PRSS23: variants seen among roughly 807,000 people sequenced by gnomAD.
PRSS23 encodes serine protease 23.
Under a neutral mutation model 34.7 loss-of-function variants are expected in PRSS23, and 25 were observed. The observed-to-expected ratio is 0.72, with a 90% confidence interval of 0.53 to 1.01. PRSS23 has a LOEUF of 1.01. Among genes scored for constraint, PRSS23 ranks in the 50% least tolerant of loss-of-function variants. The pLI is 0.00. For missense variants in PRSS23, 445 were observed against 475.6 expected (o/e 0.94, Z 0.60); for synonymous variants, 176 against 186.6 (o/e 0.94, Z 0.46).
At chr11:86,856,853 T>C (rs1372676374) in intron 2 of PRSS23, among the ~76,000 whole-genome samples, 2 of 152,142 alleles carry the variant, frequency 1.3e-5, no homozygotes, top group African/African-American at 2.4e-5. Context: ...GAGGATTCAG[T>C]CATGATGTTT....
intron 2 of PRSS23, among the ~76,000 whole-genome samples, chr11:86,848,907 T>C (rs1245794325): frequency 6.6e-6 from 1 of 152,066 alleles, no homozygotes; most frequent in Non-Finnish European, 1.5e-5. Flanking sequence ...ATCAGTGCGG[T>C]TTGCAAGGAC....
At chr11:86,796,627 C>T (rs1398192762), upstream of PRSS23, among the ~76,000 whole-genome samples, 32 of 104,768 alleles carry the variant, frequency 3.1e-4, 1 homozygote, top group African/African-American at 1.2e-3. Context: ...GGCGACAGAG[C>T]GAGACTCCGT....
chr11:86,935,084 G>T (rs1464025164), intron 2 of PRSS23: 2 of 152,224 alleles, frequency 1.3e-5, no homozygotes, highest in Non-Finnish European at 2.9e-5. Context: ...ACAGCTCCAA[G>T]GGATGGGTCC....
chr11:86,846,740 A>T lies in PRSS23; in HGVS notation c.206+23147A>T, dbSNP rs186422413. Among the ~76,000 whole-genome samples the T allele has an allele frequency of 1.3e-3, 200 of 152,258 alleles. 1 individual carries two copies. Among genetic ancestry groups the T allele is most frequent in the African/African-American group, 4.6e-3 (190 of 41,570 alleles). Reference sequence around the variant, plus strand: ...CCACTAGACAGGATCAAGATTCCCTATTTAGAAGACTTAAAGTCTTGGGGT... The same window carrying T: ...CCACTAGACAGGATCAAGATTCCCTTTTTAGAAGACTTAAAGTCTTGGGGT... On this transcript the variant is annotated intron_variant, in intron 2 of 2. Coordinates refer to the PRSS23 transcript ENST00000533902.
chr11:86,858,391 G>A (rs964401481), intron 2 of PRSS23, among the ~76,000 whole-genome samples: 15 of 151,266 alleles, frequency 9.9e-5, no homozygotes, highest in Admixed American at 8.5e-4. Context: ...GGGAGAGGAT[G>A]TTATTACTCC....
At chr11:86,874,363 C>A (rs1384846034) in intron 2 of PRSS23, among the ~76,000 whole-genome samples, 1 of 152,180 alleles carries the variant, frequency 6.6e-6, no homozygotes, top group East Asian at 1.9e-4. Flanking sequence ...AATGATGAAA[C>A]ATTTGTTAAT....
At chr11:86,886,764 C>G (rs755882588) in intron 2 of PRSS23, among the ~76,000 whole-genome samples, 1 of 152,038 alleles carries the variant, frequency 6.6e-6, no homozygotes, top group Non-Finnish European at 1.5e-5. Flanking sequence ...CATGGCAAAA[C>G]CCCATCTTTA....
intron 2 of PRSS23, among the ~76,000 whole-genome samples, chr11:86,833,716 A>G (rs1948379592): frequency 6.6e-6 from 1 of 152,108 alleles, no homozygotes; most frequent in Non-Finnish European, 1.5e-5. Flanking sequence ...GCTAAGTTGC[A>G]AGCCCCGTGT....
intron 2 of PRSS23, among the ~76,000 whole-genome samples, chr11:86,902,921 T>G (rs977045743): frequency 6.6e-6 from 1 of 152,178 alleles, no homozygotes; most frequent in African/African-American, 2.4e-5. Flanking sequence ...CTAAGTAGCA[T>G]GGGCAAGCTA....
In PRSS23 at chr11:86,893,909, A is replaced by G. The variant is rs567896626; in HGVS notation, c.207-57307A>G. Reference sequence around the variant, plus strand: ...CAATCAGGAATACTGAAGTGAATTTACAAATAGATGTAAAACTGGCTTTTT... The same window carrying G: ...CAATCAGGAATACTGAAGTGAATTTGCAAATAGATGTAAAACTGGCTTTTT... On this transcript the variant is annotated intron_variant, in intron 2 of 2. Transcript: ENST00000533902. Among the ~76,000 whole-genome samples, 5 of 152,368 alleles carry G rather than the reference A, an allele frequency of 3.3e-5. No homozygotes were observed. The East Asian group carries it at 5.8e-4, about 18-fold the overall frequency.
intron 2 of PRSS23, among the ~76,000 whole-genome samples, chr11:86,879,558 C>T (rs1277180514): frequency 7.2e-6 from 1 of 138,754 alleles, no homozygotes; most frequent in Non-Finnish European, 1.6e-5. Context: ...GGGGGGTCAG[C>T]CCCCCGCCCG....
intron 2 of PRSS23, among the ~76,000 whole-genome samples, chr11:86,871,778 A>T (rs1415357575): frequency 1.3e-5 from 2 of 152,246 alleles, no homozygotes; most frequent in Non-Finnish European, 2.9e-5. Context: ...TCAGGAGGTA[A>T]CATTTAAGCT....
At chr11:86,800,759 T>G (rs1209537373) in intron 1 of PRSS23, 108 bp downstream of exon 1, 3 of 609,676 alleles carry the variant, frequency 4.9e-6, no homozygotes, top group Non-Finnish European at 6.2e-6. Flanking sequence ...AACTGCGGGC[T>G]GCCGGAGGCA....
chr11:86,867,067 C>T (rs1047621829), intron 2 of PRSS23, among the ~76,000 whole-genome samples: 3 of 152,202 alleles, frequency 2.0e-5, no homozygotes, highest in African/African-American at 7.2e-5. Flanking sequence ...AGACTCAGTA[C>T]ATCAGTGATG....
At chr11:86,841,369 A>G (rs1429838517) in intron 2 of PRSS23, among the ~76,000 whole-genome samples, 1 of 151,352 alleles carries the variant, frequency 6.6e-6, no homozygotes, top group Non-Finnish European at 1.5e-5. Context: ...GAAAAAAAAA[A>G]AAGAACAAGG....
At chr11:86,833,974 C>T (rs971342934) in intron 2 of PRSS23, among the ~76,000 whole-genome samples, 3 of 152,158 alleles carry the variant, frequency 2.0e-5, no homozygotes, top group Non-Finnish European at 2.9e-5. Flanking sequence ...GCTAGCAGGC[C>T]GGTCCAGGGG....
chr11:86,916,739 C>T (rs1188719911), intron 2 of PRSS23, among the ~76,000 whole-genome samples: 5 of 152,188 alleles, frequency 3.3e-5, no homozygotes, highest in South Asian at 4.2e-4. Flanking sequence ...TGTGTAGGGG[C>T]CTCCCAGTCC....
At chr11:86,850,223 C>T (rs1228753515) in intron 2 of PRSS23, among the ~76,000 whole-genome samples, 1 of 152,194 alleles carries the variant, frequency 6.6e-6, no homozygotes, top group African/African-American at 2.4e-5. Flanking sequence ...AATGGAATCT[C>T]AAATGAGCTC....
At chr11:86,859,022 G>A (rs1052035628) in intron 2 of PRSS23, among the ~76,000 whole-genome samples, 5 of 151,628 alleles carry the variant, frequency 3.3e-5, no homozygotes, top group Non-Finnish European at 7.4e-5. Flanking sequence ...TCGCAGGGGT[G>A]TACACACACC....
Sources: allele counts gnomAD v4.1 joint callset (sites outside exome capture counted in the v4.1 genomes callset), GRCh38; gene constraint gnomAD v4.1.1; transcripts MANE v1.5; gene names NCBI Gene and HGNC (gene_info 2026-07-23, HGNC 2026-07-21).